Variants in TDRD15 observed in about 807,000 individuals in gnomAD.
TDRD15 encodes tudor domain-containing protein 15.
For synonymous variants in TDRD15, 503 were observed against 314.5 expected (o/e 1.60, Z -6.34); for missense variants, 1,416 against 904.7 (o/e 1.57, Z -7.25).
At chr2:21,144,979 A>G (rs1666008850), downstream of TDRD15, among the ~76,000 whole-genome samples, 2 of 151,262 alleles carry the variant, frequency 1.3e-5, no homozygotes, top group African/African-American at 4.9e-5. Flanking sequence ...CAAAAAAGAA[A>G]AGGAGGAGGA....
In TDRD15 at chr2:21,142,038, A is replaced by G; in HGVS notation, c.4571A>G (p.Lys1524Arg). 1 of 701,338 alleles carries G rather than the reference A, an allele frequency of 1.4e-6. No homozygotes were observed. The highest frequency in any genetic ancestry group is 2.6e-6 in the Non-Finnish European group (1 of 380,372). The allele number at this position is 701,338 out of a possible 1,614,324, so 43.4% of individuals were successfully genotyped here. The stretch of plus-strand genomic sequence containing the variant: ...TTTAAAATTCCTTTGGAAGAATTCA[A>G]ACTTGGACAACTTGAAAAAGCTGAA... ...QLFKIPLEEF[K>R]LGQLEKAEML... The change falls in exon 4 of 4, where the codon AAA (lysine) becomes AGA (arginine). Residue 1524 changes from lysine (K) to arginine (R), a missense_variant. Coordinates refer to ENST00000405799, the MANE Select transcript of TDRD15 (RefSeq NM_001306137.2).
chr2:21,133,850 G>T (rs1572296904), intron 2 of TDRD15, among the ~76,000 whole-genome samples: 1 of 151,970 alleles, frequency 6.6e-6, no homozygotes, highest in Admixed American at 6.6e-5. Context: ...TATGCTAAGT[G>T]TAAAATGTAC....
At chr2:21,147,207 ATATT>A (rs532536412), downstream of TDRD15, among the ~76,000 whole-genome samples, 15 of 152,052 alleles carry the variant, frequency 9.9e-5, no homozygotes, top group African/African-American at 2.2e-4. Flanking sequence ...AAACTGAACT[ATATT>A]TAAGGTGAAT....
chr2:21,143,388 T>C lies in TDRD15; in HGVS notation c.*116T>C. ...TAAACAAATCTACAAAGAGGAAAGA[T>C]GTCTGTAAGAACCTCTTAAGGAAAA... On this transcript the variant is annotated 3_prime_UTR_variant, in exon 4 of 4. Transcript: ENST00000405799. 1 of 483,132 alleles carries C rather than the reference T, an allele frequency of 2.1e-6. No individual in the cohort carries two copies. Among genetic ancestry groups the C allele is most frequent in the South Asian group, 4.0e-5 (1 of 25,138 alleles). The allele number at this position is 483,132 out of a possible 1,614,324, so 29.9% of individuals were successfully genotyped here.
Position 21,143,191 on chromosome 2 carries a change from A to G in TDRD15, c.5724A>G (p.Ala1908=), listed in dbSNP as rs1665972037. Reference sequence around the variant, plus strand: ...ACAATTTGGCAGATATATTAGTTGCATCTGGTCTCGCAACTTATTCTAAAG... The same window carrying G: ...ACAATTTGGCAGATATATTAGTTGCGTCTGGTCTCGCAACTTATTCTAAAG... ...EKNNLADILV[A]SGLATYSKDS... Residue 1908 remains alanine (A), a synonymous_variant, in exon 4 of 4, where the codon GCA becomes GCG. Coordinates refer to ENST00000405799, the MANE Select transcript of TDRD15 (RefSeq NM_001306137.2). The G allele has an allele frequency of 1.4e-6, 1 of 696,570 alleles. No homozygotes were observed. Among genetic ancestry groups the G allele is most frequent in the Non-Finnish European group, 2.6e-6 (1 of 378,474 alleles). 43.1% of individuals were successfully genotyped at this position (696,570 alleles called of 1,614,324 possible).
chr2:21,140,536 A>G lies in TDRD15; in HGVS notation c.3069A>G (p.Val1023=). ...NKMRVCISKY[V]EDGLSYRALA... ...TGAGAGTGTGCATATCTAAGTATGT[A>G]GAGGATGGTCTCTCATACAGAGCTT... The change falls in exon 4 of 4, where the codon GTA becomes GTG. Residue 1023 remains valine, a synonymous_variant. Coordinates refer to ENST00000405799, the MANE Select transcript of TDRD15 (RefSeq NM_001306137.2). The G allele has an allele frequency of 2.9e-6, 2 of 700,598 alleles. No homozygotes were observed. The highest frequency in any genetic ancestry group is 5.3e-6 in the Non-Finnish European group (2 of 378,892). 43.4% of individuals were successfully genotyped at this position (700,598 alleles called of 1,614,324 possible).
Position 21,143,360 on chromosome 2 carries a change from G to A in TDRD15, c.*88G>A. On this transcript the variant is annotated 3_prime_UTR_variant, in exon 4 of 4. Transcript: ENST00000405799. ...ATTTTACATACACTGAGAAACAAAA[G>A]TGTAAACAAATCTACAAAGAGGAAA... The A allele has an allele frequency of 2.1e-6, 1 of 481,298 alleles. No individual in the cohort carries two copies. The highest frequency in any genetic ancestry group is 3.7e-6 in the Non-Finnish European group (1 of 272,144). The allele number at this position is 481,298 out of a possible 1,614,324, so 29.8% of individuals were successfully genotyped here.
intron 3 of TDRD15, 64 bp from the exon 4 acceptor site, chr2:21,137,401 C>A (rs1665828222): frequency 1.9e-6 from 1 of 537,836 alleles, no homozygotes; most frequent in Non-Finnish European, 3.4e-6. Context: ...TATTTATATG[C>A]CAAACATAAG....
downstream of TDRD15, among the ~76,000 whole-genome samples, chr2:21,146,714 A>G (rs1269056920): frequency 2.0e-5 from 3 of 152,108 alleles, no homozygotes; most frequent in Non-Finnish European, 2.9e-5. Flanking sequence ...ATCTAGAATG[A>G]CAGCCCATTT....
upstream of TDRD15, chr2:21,123,934 C>T (rs982610854): frequency 2.6e-5 from 4 of 152,422 alleles, no homozygotes; most frequent in Non-Finnish European, 4.4e-5. Context: ...CCCTGGGGCC[C>T]CTGCGGGATT....
At position 21,137,844 on chromosome 2, in the gene TDRD15, T is replaced by C; in HGVS notation, c.377T>C (p.Phe126Ser). ...CCGCCACGGGTAGTATTTGGTATTT[T>C]TGCGAATATACTACCAGTTGGGGAA... ...ELPPRVVFGI[F>S]ANILPVGEKW... is the part of the protein sequence containing the mutation. Residue 126 changes from phenylalanine (F) to serine (S), a missense_variant, in exon 4 of 4, where the codon TTT becomes TCT. By Grantham distance (155) the Phe-to-Ser change is radical. Coordinates refer to ENST00000405799, the MANE Select transcript of TDRD15 (RefSeq NM_001306137.2). 1 of 716,044 alleles carries C rather than the reference T, an allele frequency of 1.4e-6. No individual in the cohort carries two copies. The highest frequency in any genetic ancestry group is 2.6e-6 in the Non-Finnish European group (1 of 384,352). The allele number at this position is 716,044 out of a possible 1,614,324, so 44.4% of individuals were successfully genotyped here.
In TDRD15 at chr2:21,142,245, G is replaced by C; in HGVS notation, c.4778G>C (p.Arg1593Pro). ...AKSKNTLKWHRSKVEEKYVDD... is the reference protein window; with the variant it reads ...AKSKNTLKWHPSKVEEKYVDD... ...TCTAAAAATACCTTGAAATGGCATC[G>C]ATCAAAAGTAGAAGAAAAGTATGTT... The change falls in exon 4 of 4, where the codon CGA (arginine) becomes CCA (proline). Residue 1593 changes from arginine to proline, a missense_variant. Arg to Pro is a moderately radical substitution (Grantham distance 103, BLOSUM62 -2). Transcript: ENST00000405799. 1 of 699,118 alleles carries C rather than the reference G, an allele frequency of 1.4e-6. No homozygotes were observed. Among genetic ancestry groups the C allele is most frequent in the Non-Finnish European group, 2.6e-6 (1 of 379,684 alleles). The allele number at this position is 699,118 out of a possible 1,614,324, so 43.3% of individuals were successfully genotyped here.
At position 21,142,869 on chromosome 2, in the gene TDRD15, A is replaced by G; in HGVS notation, c.5402A>G (p.Glu1801Gly). The G allele has an allele frequency of 1.4e-6, 1 of 709,394 alleles. No homozygotes were observed. The allele number at this position is 709,394 out of a possible 1,614,324, so 43.9% of individuals were successfully genotyped here. Residue 1801 changes from glutamate (E) to glycine (G), a missense_variant, in exon 4 of 4, where the codon GAA becomes GGA. Transcript: ENST00000405799. ...TCGGAAGATCAGTGGAATAGAGTAGAAATTTCTGAAGTCTCACCTCAGTCT... is the reference window on the plus strand; with the variant it reads ...TCGGAAGATCAGTGGAATAGAGTAGGAATTTCTGAAGTCTCACCTCAGTCT... ...YKSEDQWNRVEISEVSPQSLC... is the reference protein window; with the variant it reads ...YKSEDQWNRVGISEVSPQSLC...
Position 21,139,059 on chromosome 2 carries a change from A to G in TDRD15, c.1592A>G (p.Lys531Arg), listed in dbSNP as rs560773601. 2.1e-4 allele frequency: 149 copies of G among 715,244 alleles called. 1 individual carries two copies. In the South Asian group the frequency reaches 2.2e-3, roughly 10 times the overall value. The allele number at this position is 715,244 out of a possible 1,614,324, so 44.3% of individuals were successfully genotyped here. A position where few individuals can be genotyped will look rare whatever the true frequency, so the allele number is the denominator to read the frequency against. ...GAAAACGATGAAATGATTCTAAGAA[A>G]ACCTGAACCTGGATTATTTTGTTGT... ...LCENDEMILR[K>R]PEPGLFCCAR... is the part of the protein sequence containing the mutation. The change falls in exon 4 of 4, where the codon AAA becomes AGA. Residue 531 changes from lysine (K) to arginine (R), a missense_variant. Physicochemically the swap from Lys to Arg is conservative, Grantham distance 26 (BLOSUM62 2). Transcript: ENST00000405799.
In TDRD15 at chr2:21,140,687, C is replaced by A. The variant is rs1665904657; in HGVS notation, c.3220C>A (p.Pro1074Thr). The A allele has an allele frequency of 2.8e-6, 2 of 714,168 alleles. No individual in the cohort carries two copies. Among genetic ancestry groups the A allele is most frequent in the African/African-American group, 1.8e-5 (1 of 57,022 alleles). 44.2% of individuals were successfully genotyped at this position (714,168 alleles called of 1,614,324 possible). A position where few individuals can be genotyped will look rare whatever the true frequency, so the allele number is the denominator to read the frequency against. Residue 1074 changes from proline (P) to threonine (T), a missense_variant, in exon 4 of 4, where the codon CCT becomes ACT. Pro to Thr is a conservative substitution (Grantham distance 38, BLOSUM62 -1). Coordinates refer to ENST00000405799, the MANE Select transcript of TDRD15 (RefSeq NM_001306137.2). ...TCAGTTTCCAGAGTTGTTGTTTACACCTATGCAAGCTATTAAGTGTTTTTT... is the reference window on the plus strand; with the variant it reads ...TCAGTTTCCAGAGTTGTTGTTTACAACTATGCAAGCTATTAAGTGTTTTTT... Reference protein sequence around the residue: ...SAQFPELLFTPMQAIKCFLSD... With the variant: ...SAQFPELLFTTMQAIKCFLSD...
chr2:21,137,258 A>G lies in TDRD15; in HGVS notation c.-3-207A>G, dbSNP rs567584277. Among the ~76,000 whole-genome samples, 10 of 152,160 alleles carry G rather than the reference A, an allele frequency of 6.6e-5. No individual in the cohort carries two copies. In the East Asian group the frequency reaches 1.9e-3, roughly 29 times the overall value. ...AAAGTTTTTGTAATTATTTCAATGAAAAATTTTAAAAGTATAGAAAGCAGT... is the reference window on the plus strand; with the variant it reads ...AAAGTTTTTGTAATTATTTCAATGAGAAATTTTAAAAGTATAGAAAGCAGT... On this transcript the variant is annotated intron_variant, in intron 3 of 3. Coordinates refer to ENST00000405799, the MANE Select transcript of TDRD15 (RefSeq NM_001306137.2).
At chr2:21,136,035 T>C (rs565208569) in intron 3 of TDRD15, among the ~76,000 whole-genome samples, 1 of 152,146 alleles carries the variant, frequency 6.6e-6, no homozygotes, top group East Asian at 1.9e-4. Flanking sequence ...TCCTGAAAGA[T>C]GTATGTAAAT....
chr2:21,131,949 G>T (rs759014652), intron 2 of TDRD15, among the ~76,000 whole-genome samples: 5 of 152,044 alleles, frequency 3.3e-5, no homozygotes, highest in Admixed American at 6.6e-5. Context: ...TGTTGCTTTT[G>T]GTAGAGAGGG....
At chr2:21,133,893 A>G (rs1665762970) in intron 2 of TDRD15, among the ~76,000 whole-genome samples, 1 of 152,054 alleles carries the variant, frequency 6.6e-6, no homozygotes, top group African/African-American at 2.4e-5. Context: ...TTAAAAAGAA[A>G]TCAAATATCA....
Sources: gnomAD v4.1 joint callset for allele counts (sites outside exome capture counted in the v4.1 genomes callset) on GRCh38, gnomAD v4.1.1 for gene constraint, MANE v1.5 for transcripts, NCBI Gene and HGNC (gene_info 2026-07-23, HGNC 2026-07-21) for gene names.